Variants in PCNT observed in about 807,000 individuals in gnomAD.
The protein encoded by PCNT is pericentrin.
PCNT carries 319 observed loss-of-function variants against 380.4 expected under a neutral mutation model. The ratio of observed to expected loss-of-function variants is 0.84; its 90% CI spans 0.77 to 0.92. The LOEUF (loss-of-function observed/expected upper bound fraction) is 0.92, where lower values mean the gene tolerates loss of function less well. Among genes scored for constraint, PCNT ranks in the 40% least tolerant of loss-of-function variants. The probability of loss-of-function intolerance (pLI) is 0.00; values close to 1 mark genes in which losing one functional copy is unlikely to be tolerated. For synonymous variants in PCNT, 1,845 were observed against 1,735.2 expected (o/e 1.06, Z -1.57); for missense variants, 4,400 against 4,255.3 (o/e 1.03, Z -0.95).
intron 15 of PCNT, among the ~76,000 whole-genome samples, chr21:46,371,898 TACACAGCACATGTGCGC>T (rs1167117924): frequency 1.5e-5 from 2 of 133,106 alleles, no homozygotes; most frequent in African/African-American, 5.8e-5. Flanking sequence ...ACACAGCACA[TACACAGCACATGTGCGC>T]ACACAGCACA....
At chr21:46,377,621 T>C (rs2147089917) in intron 15 of PCNT, among the ~76,000 whole-genome samples, 1 of 152,174 alleles carries the variant, frequency 6.6e-6, no homozygotes, top group South Asian at 2.1e-4. Flanking sequence ...TCCCAGCACC[T>C]TGGGAGGCTG....
chr21:46,429,975 A>T (rs760730478), intron 35 of PCNT, 35 bp from the exon 36 acceptor site: 3 of 1,567,942 alleles, frequency 1.9e-6, no homozygotes, highest in African/African-American at 1.4e-5. Flanking sequence ...CGAGGAGCTC[A>T]TGGGGGCCTG....
In PCNT at chr21:46,326,472, C is replaced by G. The variant is rs1214291590; in HGVS notation, c.150C>G (p.Val50=). ...AGGGCTCGGCTGTCGATGCGTCTGT[C>G]CAGGAGGAGAGTCCGGTAACCAAGG... ...KRKGSAVDAS[V]QEESPVTKED... is the part of the protein sequence containing the mutation. The change falls in exon 2 of 47, where the codon GTC becomes GTG. Residue 50 remains valine, a synonymous_variant. Coordinates refer to ENST00000359568, the MANE Select transcript of PCNT (RefSeq NM_006031.6). The G allele has an allele frequency of 3.8e-5, 62 of 1,614,056 alleles. No homozygotes were observed. Among genetic ancestry groups the G allele is most frequent in the Non-Finnish European group, 5.0e-5 (59 of 1,180,040 alleles).
chr21:46,429,935 T>C, intron 35 of PCNT, 75 bp from the exon 36 acceptor site: 2 of 1,209,962 alleles, frequency 1.7e-6, no homozygotes, highest in African/African-American at 3.0e-5. Context: ...CCCACGAGTC[T>C]GTCTCTAACC....
At chr21:46,349,963 C>A in intron 8 of PCNT, 143 bp downstream of exon 8, 1 of 854,202 alleles carries the variant, frequency 1.2e-6, no homozygotes, top group Non-Finnish European at 1.9e-6. Context: ...GTGGTTCACG[C>A]CTGTAACTCT....
chr21:46,408,912 CG>C (rs2086698568), intron 27 of PCNT, among the ~76,000 whole-genome samples: 4 of 151,720 alleles, frequency 2.6e-5, no homozygotes, highest in Admixed American at 2.6e-4. Context: ...TTAGTAGAGA[CG>C]GGGTTTCATC....
chr21:46,413,382 C>G (rs1026740144), intron 29 of PCNT, among the ~76,000 whole-genome samples: 2 of 152,006 alleles, frequency 1.3e-5, no homozygotes, highest in Admixed American at 6.5e-5. Flanking sequence ...GTGAGGCCCC[C>G]CTGGGAGAGG....
chr21:46,433,367 G>A (rs2087847966), intron 38 of PCNT, among the ~76,000 whole-genome samples: 2 of 152,216 alleles, frequency 1.3e-5, no homozygotes, highest in Admixed American at 6.5e-5. Context: ...TGGGCAACAA[G>A]AGCGAGACTC....
intron 2 of PCNT, among the ~76,000 whole-genome samples, chr21:46,332,391 C>T (rs1008154434): frequency 3.9e-5 from 6 of 152,132 alleles, no homozygotes; most frequent in African/African-American, 7.2e-5. Flanking sequence ...TTGTTTTACA[C>T]GTAATTTACA....
At chr21:46,389,836 A>G (rs2085971015) in intron 19 of PCNT, among the ~76,000 whole-genome samples, 1 of 152,220 alleles carries the variant, frequency 6.6e-6, no homozygotes, top group African/African-American at 2.4e-5. Flanking sequence ...CAGTCCCAGC[A>G]CTTTGGGAGG....
At chr21:46,342,560 G>A (rs2146487127) in intron 3 of PCNT, among the ~76,000 whole-genome samples, 1 of 144,128 alleles carries the variant, frequency 6.9e-6, no homozygotes, top group South Asian at 2.2e-4. Flanking sequence ...TTTTTTTTGA[G>A]ACGGAGTTTT....
At chr21:46,357,838 A>C (rs2084532242) in intron 13 of PCNT, among the ~76,000 whole-genome samples, 1 of 152,236 alleles carries the variant, frequency 6.6e-6, no homozygotes, top group South Asian at 2.1e-4. Flanking sequence ...GCTCACCCCA[A>C]GTCTTAAATT....
intron 15 of PCNT, among the ~76,000 whole-genome samples, chr21:46,368,374 G>A (rs551932047): frequency 3.5e-4 from 53 of 152,082 alleles, no homozygotes; most frequent in Non-Finnish European, 6.2e-4. Context: ...TGTGAACCCG[G>A]GAGGCGGAGC....
intron 6 of PCNT, among the ~76,000 whole-genome samples, chr21:46,348,533 C>T (rs1421237523): frequency 6.6e-6 from 1 of 152,190 alleles, no homozygotes; most frequent in African/African-American, 2.4e-5. Context: ...CTGGATGCTT[C>T]TGCTTTTCTG....
At chr21:46,386,015 G>A (rs1033223321) in intron 17 of PCNT, 32 bp downstream of exon 17, 18 of 1,612,354 alleles carry the variant, frequency 1.1e-5, no homozygotes, top group Admixed American at 1.7e-5. Context: ...AGGCTGCCTT[G>A]TGGCCGCCAG....
chr21:46,327,822 A>C (rs1180098813), intron 2 of PCNT, among the ~76,000 whole-genome samples: 1 of 152,228 alleles, frequency 6.6e-6, no homozygotes, highest in Non-Finnish European at 1.5e-5. Flanking sequence ...TGTTGCAGAC[A>C]TGGTGTGTTG....
At chr21:46,417,658 T>C (rs1207489529) in intron 30 of PCNT, among the ~76,000 whole-genome samples, 3 of 152,154 alleles carry the variant, frequency 2.0e-5, no homozygotes, top group Non-Finnish European at 2.9e-5. Flanking sequence ...CTCAGCACTT[T>C]GGGAGGCTGA....
At chr21:46,401,008 C>T (rs2086407643) in intron 25 of PCNT, among the ~76,000 whole-genome samples, 1 of 152,250 alleles carries the variant, frequency 6.6e-6, no homozygotes, top group African/African-American at 2.4e-5. Context: ...CGGCTTCACC[C>T]CTTCTGCCTT....
At chr21:46,367,310 CTT>C (rs35676009) in intron 15 of PCNT, among the ~76,000 whole-genome samples, 171 bp downstream of exon 15, 17 of 132,684 alleles carry the variant, frequency 1.3e-4, no homozygotes, top group Non-Finnish European at 1.8e-4. Context: ...GTGAACTGGG[CTT>C]TTTTTTTTTT....
Sources: gnomAD v4.1 joint callset for allele counts (sites outside exome capture counted in the v4.1 genomes callset) on GRCh38, gnomAD v4.1.1 for gene constraint, MANE v1.5 for transcripts, NCBI Gene and HGNC (gene_info 2026-07-23, HGNC 2026-07-21) for gene names.